The following GRIP1 variants were observed in gnomAD, a reference collection of about 807,000 sequenced individuals.
The protein encoded by GRIP1 is glutamate receptor interacting protein 1.
A neutral mutation model predicts 129.9 loss-of-function variants in GRIP1; 45 were observed. That is an observed-to-expected ratio of 0.35 (90% CI 0.27 to 0.44). The LOEUF (loss-of-function observed/expected upper bound fraction) is 0.44, where lower values mean the gene tolerates loss of function less well. Among genes scored for constraint, GRIP1 ranks in the 20% least tolerant of loss-of-function variants. GRIP1 has a pLI of 1.00. For synonymous variants in GRIP1, 530 were observed against 520.8 expected (o/e 1.02, Z -0.24); for missense variants, 1,196 against 1,396.8 (o/e 0.86, Z 2.29).
At position 66,678,786 on chromosome 12, in the gene GRIP1, T is replaced by C. The variant is rs147485334; in HGVS notation, c.55+64A>G. On this transcript the variant is annotated intron_variant, in intron 1 of 24. Transcript: ENST00000359742. ...CAGTCATATTTGAAAGTAAAAACCA[T>C]TAAACTGTGTTTATAGGATACTGCA... is the stretch of plus-strand genomic sequence containing the variant. 986 of 1,467,736 alleles carry C rather than the reference T, an allele frequency of 6.7e-4. 10 individuals are homozygous for C. In the East Asian group the frequency reaches 0.021, roughly 31 times the overall value. The allele number at this position is 1,467,736 out of a possible 1,614,324, so 90.9% of individuals were successfully genotyped here.
At chr12:66,756,440 T>C (rs756214867) in intron 1 of GRIP1, among the ~76,000 whole-genome samples, 8 of 152,224 alleles carry the variant, frequency 5.3e-5, no homozygotes, top group Non-Finnish European at 7.3e-5. Context: ...CATTAACTCA[T>C]TGGCGCAGTG....
At chr12:66,583,971 C>T (rs1289644001) in intron 2 of GRIP1, among the ~76,000 whole-genome samples, 11 of 139,550 alleles carry the variant, frequency 7.9e-5, no homozygotes, top group Admixed American at 2.2e-4. Context: ...ATGTTTATTG[C>T]GGCATTATTC....
At chr12:66,430,026 A>G (rs941753270) in intron 14 of GRIP1, among the ~76,000 whole-genome samples, 4 of 152,278 alleles carry the variant, frequency 2.6e-5, no homozygotes, top group East Asian at 3.9e-4. Flanking sequence ...TTCATTTATC[A>G]TCTCCCTTGG....
chr12:66,552,370 T>C (rs749991523), intron 2 of GRIP1, among the ~76,000 whole-genome samples: 1 of 152,110 alleles, frequency 6.6e-6, no homozygotes, highest in Admixed American at 6.5e-5. Context: ...AATGAAGAAA[T>C]TTGTGATACT....
At chr12:66,582,471 T>C (rs1176461574) in intron 2 of GRIP1, among the ~76,000 whole-genome samples, 2 of 149,572 alleles carry the variant, frequency 1.3e-5, no homozygotes, top group Non-Finnish European at 3.0e-5. Context: ...AAATTGTCTC[T>C]GTTTGCAGAT....
At chr12:66,392,537 T>A in intron 18 of GRIP1, 35 bp from the exon 19 acceptor site, 5 of 1,598,282 alleles carry the variant, frequency 3.1e-6, no homozygotes, top group Non-Finnish European at 4.3e-6. Context: ...AGTATCAGAG[T>A]AAATTTAAAT....
intron 13 of GRIP1, among the ~76,000 whole-genome samples, chr12:66,437,661 A>G (rs988631567): frequency 3.3e-5 from 5 of 152,220 alleles, no homozygotes; most frequent in Non-Finnish European, 7.3e-5. Context: ...ATACACACAT[A>G]TATATTCACA....
At chr12:66,882,095 C>G (rs2040488224) in intron 1 of GRIP1, among the ~76,000 whole-genome samples, 1 of 151,638 alleles carries the variant, frequency 6.6e-6, no homozygotes, top group Admixed American at 6.6e-5. Flanking sequence ...CTCATGGCTT[C>G]TATCACATGA....
intron 7 of GRIP1, among the ~76,000 whole-genome samples, chr12:66,515,326 GA>G (rs1275104406): frequency 6.6e-6 from 1 of 151,996 alleles, no homozygotes; most frequent in Admixed American, 6.6e-5. Context: ...ATTTGGAGGG[GA>G]AAAAACACTT....
At chr12:66,930,302 T>C (rs1225708944) in intron 1 of GRIP1, among the ~76,000 whole-genome samples, 1 of 129,848 alleles carries the variant, frequency 7.7e-6, no homozygotes, top group Non-Finnish European at 1.6e-5. Flanking sequence ...TTCCCCTTCC[T>C]GTGTCCATGT....
At chr12:66,589,204 C>CTCTG (rs2063759058) in intron 2 of GRIP1, among the ~76,000 whole-genome samples, 1 of 141,868 alleles carries the variant, frequency 7.0e-6, no homozygotes, top group Non-Finnish European at 1.5e-5. Flanking sequence ...TTCTCTCTCT[C>CTCTG]TCTCTCTCTC....
Position 66,571,262 on chromosome 12 carries a change from A to G in GRIP1, c.136+25585T>C, listed in dbSNP as rs534390711. Among the ~76,000 whole-genome samples the G allele has an allele frequency of 6.6e-5, 10 of 152,324 alleles. No individual in the cohort carries two copies. In the South Asian group the frequency reaches 1.9e-3, roughly 28 times the overall value. On this transcript the variant is annotated intron_variant, in intron 2 of 24. Transcript: ENST00000359742. The stretch of plus-strand genomic sequence containing the variant: ...AGAGAATATTTACCGATTTGTATTG[A>G]GTAAACCACCTGCCAAACCCTCACT...
intron 1 of GRIP1, among the ~76,000 whole-genome samples, chr12:66,700,681 G>C (rs73128872): frequency 2.9e-4 from 44 of 152,134 alleles, no homozygotes; most frequent in Middle Eastern, 3.4e-3. Flanking sequence ...GGATAGGCTG[G>C]GGGGGAGAAT....
chr12:66,377,137 T>G (rs1216303998), intron 21 of GRIP1, 37 bp downstream of exon 21: 2 of 1,563,216 alleles, frequency 1.3e-6, no homozygotes, highest in Non-Finnish European at 1.8e-6. Flanking sequence ...AAAATGAATG[T>G]AGAAACAATA....
At chr12:66,813,141 G>A (rs1463168406) in intron 1 of GRIP1, among the ~76,000 whole-genome samples, 2 of 152,172 alleles carry the variant, frequency 1.3e-5, no homozygotes, top group African/African-American at 2.4e-5. Context: ...CAGGAAATGT[G>A]GTAAAGGCAT....
At chr12:66,403,506 C>A (rs1045249260) in intron 16 of GRIP1, among the ~76,000 whole-genome samples, 1 of 152,108 alleles carries the variant, frequency 6.6e-6, no homozygotes, top group Non-Finnish European at 1.5e-5. Flanking sequence ...CATATAAATT[C>A]TTCCAAATCA....
intron 1 of GRIP1, among the ~76,000 whole-genome samples, chr12:67,058,726 A>G (rs1198398787): frequency 6.6e-6 from 1 of 152,192 alleles, no homozygotes; most frequent in Non-Finnish European, 1.5e-5. Flanking sequence ...AACCATTTCT[A>G]TTTCTTTCTT....
intron 14 of GRIP1, among the ~76,000 whole-genome samples, chr12:66,423,628 T>A (rs1443752765): frequency 1.3e-5 from 2 of 152,190 alleles, no homozygotes; most frequent in Admixed American, 1.3e-4. Context: ...GACAAGCGCC[T>A]CTGCTCTGGG....
In GRIP1 at chr12:67,024,664, C is replaced by T. The variant is rs1179261289; in HGVS notation, c.58+44386G>A. Among the ~76,000 whole-genome samples, 5 of 152,046 alleles carry T rather than the reference C, an allele frequency of 3.3e-5. No homozygotes were observed. The South Asian group carries it at 8.3e-4, about 25-fold the overall frequency. On this transcript the variant is annotated intron_variant, in intron 1 of 1. Coordinates refer to the GRIP1 transcript ENST00000643019. The stretch of plus-strand genomic sequence containing the variant: ...TTGTAGATAGGAAAAGTATTACGAC[C>T]GTGATCATTTCACGTGTGGAATTCT...
Sources: allele counts gnomAD v4.1 joint callset (sites outside exome capture counted in the v4.1 genomes callset), GRCh38; gene constraint gnomAD v4.1.1; transcripts MANE v1.5; gene names NCBI Gene and HGNC (gene_info 2026-07-23, HGNC 2026-07-21).